The following KCTD1 variants were observed in gnomAD, a reference collection of about 807,000 sequenced individuals.
KCTD1 encodes the protein potassium channel tetramerization domain containing 1, also known as BTB/POZ domain-containing protein KCTD1.
Under a neutral mutation model 66.0 loss-of-function variants are expected in KCTD1, and 24 were observed. That is an observed-to-expected ratio of 0.36 (90% CI 0.26 to 0.51). The LOEUF (loss-of-function observed/expected upper bound fraction) is 0.51. KCTD1 is among the 20% of genes least tolerant of loss of function. KCTD1 has a pLI of 0.95. For synonymous variants in KCTD1, 511 were observed against 517.2 expected (o/e 0.99, Z 0.16); for missense variants, 943 against 1,205.2 (o/e 0.78, Z 3.22).
Position 26,464,305 on chromosome 18 carries a change from C to A in KCTD1, c.2134-4380G>T, listed in dbSNP as rs1980605991. 2.0e-5 allele frequency among the ~76,000 whole-genome samples: 3 copies of A among 152,226 alleles called. No individual in the cohort carries two copies. The South Asian group carries it at 6.2e-4, about 32-fold the overall frequency. On this transcript the variant is annotated intron_variant, in intron 3 of 4. Transcript: ENST00000580059. The stretch of plus-strand genomic sequence containing the variant: ...GCTGCGAGAATTCCTTGGCCCATGG[C>A]CAGCAAGCACATCACTTCTCTCATC...
chr18:26,529,684 A>G (rs1984345980), intron 1 of KCTD1, among the ~76,000 whole-genome samples: 1 of 152,248 alleles, frequency 6.6e-6, no homozygotes, highest in Admixed American at 6.5e-5. Context: ...CATTCTTTAC[A>G]TTTAAAATAA....
Position 26,547,771 on chromosome 18 carries a change from G to A in KCTD1, c.766C>T (p.Leu256=). 6.5e-7 allele frequency: 1 copy of A among 1,542,788 alleles called. No homozygotes were observed. Among genetic ancestry groups the A allele is most frequent in the Non-Finnish European group, 8.7e-7 (1 of 1,146,796 alleles). Residue 256 remains leucine (L), a synonymous_variant, in exon 1 of 5, where the codon CTG becomes TTG. Transcript: ENST00000580059. ...GCCAGCGTCAGGTTGGCGCTGCGCA[G>A]CTCGGGGTCCTTGGTGAGGTCGAGC... ...RTLDLTKDPE[L]RSANLTLAAV...
chr18:26,501,342 C>T (rs757981180), intron 1 of KCTD1, 92 bp from the exon 2 acceptor site: 16 of 1,104,002 alleles, frequency 1.4e-5, no homozygotes, highest in African/African-American at 3.1e-5. Flanking sequence ...GAGTGATTAA[C>T]GATACTCATT....
chr18:26,589,223 C>G (rs1986542184), intron 1 of KCTD1, among the ~76,000 whole-genome samples: 1 of 152,184 alleles, frequency 6.6e-6, no homozygotes, highest in African/African-American at 2.4e-5. Flanking sequence ...AGACTCGGGC[C>G]TGTGGCTCAG....
In KCTD1 at chr18:26,572,748, A is replaced by G. The variant is rs369570583; in HGVS notation, c.-16+56399T>C. Among the ~76,000 whole-genome samples, 4 of 152,330 alleles carry G rather than the reference A, an allele frequency of 2.6e-5. No homozygotes were observed. In the South Asian group the frequency reaches 8.3e-4, roughly 32 times the overall value. On this transcript the variant is annotated intron_variant, in intron 1 of 4. Coordinates refer to the KCTD1 transcript ENST00000317932. ...CCCCCATGGTGGTAAACCCTGAGAT[A>G]CTAAATAAATTAGACCATGAGCTAG... is the stretch of plus-strand genomic sequence containing the variant.
chr18:26,461,570 CTG>C (rs1217537341), intron 3 of KCTD1, among the ~76,000 whole-genome samples: 2 of 152,212 alleles, frequency 1.3e-5, no homozygotes. Context: ...TTAGCCCAGC[CTG>C]AGGGGTAGGA....
At chr18:26,624,234 T>G (rs571770523) in intron 1 of KCTD1, among the ~76,000 whole-genome samples, 2 of 152,136 alleles carry the variant, frequency 1.3e-5, no homozygotes, top group Admixed American at 6.5e-5. Context: ...TGGGGAGAAA[T>G]TCAAGCCAGC....
chr18:26,492,992 A>C (rs1982283981), intron 2 of KCTD1, among the ~76,000 whole-genome samples: 1 of 152,220 alleles, frequency 6.6e-6, no homozygotes, highest in Non-Finnish European at 1.5e-5. Flanking sequence ...GCCTCTGAGT[A>C]CAATATTTTA....
At chr18:26,513,137 G>T (rs1366869245) in intron 1 of KCTD1, among the ~76,000 whole-genome samples, 1 of 148,794 alleles carries the variant, frequency 6.7e-6, no homozygotes, top group Non-Finnish European at 1.5e-5. Context: ...GCCCAGGCTG[G>T]AGTGCAATGG....
At chr18:26,592,480 C>T (rs1986630876) in intron 1 of KCTD1, among the ~76,000 whole-genome samples, 1 of 152,236 alleles carries the variant, frequency 6.6e-6, no homozygotes, top group Non-Finnish European at 1.5e-5. Context: ...CCTCCAATCT[C>T]TAGTTCTCCC....
intron 1 of KCTD1, among the ~76,000 whole-genome samples, chr18:26,526,463 A>C (rs796312439): frequency 1.3e-5 from 2 of 152,382 alleles, no homozygotes; most frequent in African/African-American, 4.8e-5. Context: ...ACGGCTTCTA[A>C]ATAGTCCTAC....
At chr18:26,599,510 A>G in intron 1 of KCTD1, 1 of 1,586,524 alleles carries the variant, frequency 6.3e-7, no homozygotes, top group Non-Finnish European at 8.7e-7. Context: ...TTCAAGGTTA[A>G]CTGGCAATGA....
At chr18:26,511,908 C>T (rs765014629) in intron 1 of KCTD1, among the ~76,000 whole-genome samples, 1 of 152,132 alleles carries the variant, frequency 6.6e-6, no homozygotes, top group Non-Finnish European at 1.5e-5. Flanking sequence ...GGACACCTCC[C>T]CTGCCACAGA....
At chr18:26,549,018 C>A, upstream of KCTD1, 1 of 985,224 alleles carries the variant, frequency 1.0e-6, no homozygotes, top group Non-Finnish European at 1.2e-6. Flanking sequence ...CATTGCCCCC[C>A]GGAGCCGGGG....
intron 1 of KCTD1, among the ~76,000 whole-genome samples, chr18:26,558,642 G>A (rs1020771497): frequency 1.3e-5 from 2 of 152,256 alleles, no homozygotes; most frequent in South Asian, 2.1e-4. Flanking sequence ...GAATGAGATC[G>A]GCCAGGTGCA....
intron 1 of KCTD1, among the ~76,000 whole-genome samples, chr18:26,587,532 G>A (rs755001055): frequency 1.3e-5 from 2 of 152,148 alleles, no homozygotes; most frequent in Non-Finnish European, 2.9e-5. Context: ...ATTTCATAAC[G>A]TGATAACAGC....
chr18:26,528,238 G>A (rs1984265769), intron 1 of KCTD1, among the ~76,000 whole-genome samples: 2 of 152,160 alleles, frequency 1.3e-5, no homozygotes, highest in Non-Finnish European at 1.5e-5. Flanking sequence ...GGTTGAATGA[G>A]GAACAGCCTT....
At chr18:26,560,431 T>A (rs1985819914) in intron 1 of KCTD1, among the ~76,000 whole-genome samples, 1 of 152,168 alleles carries the variant, frequency 6.6e-6, no homozygotes, top group Non-Finnish European at 1.5e-5. Flanking sequence ...ATTGGCTGCA[T>A]GTTAATATCA....
At chr18:26,512,365 A>G (rs915760796) in intron 1 of KCTD1, among the ~76,000 whole-genome samples, 3 of 152,036 alleles carry the variant, frequency 2.0e-5, no homozygotes, top group African/African-American at 7.2e-5. Context: ...TGCCTCTTAA[A>G]GTGCTAAGAT....
Sources: gnomAD v4.1 joint callset for allele counts (sites outside exome capture counted in the v4.1 genomes callset) on GRCh38, gnomAD v4.1.1 for gene constraint, MANE v1.5 for transcripts, NCBI Gene and HGNC (gene_info 2026-07-23, HGNC 2026-07-21) for gene names.